The following ADCY8 variants were observed in gnomAD, a reference collection of about 807,000 sequenced individuals.
ADCY8 encodes adenylate cyclase type 8.
Under a neutral mutation model 119.7 loss-of-function variants are expected in ADCY8, and 51 were observed. The ratio of observed to expected loss-of-function variants is 0.43; its 90% CI spans 0.34 to 0.54. The LOEUF is 0.54. Among genes scored for constraint, ADCY8 ranks in the 20% least tolerant of loss-of-function variants. The pLI is 0.03. For synonymous variants in ADCY8, 665 were observed against 651.0 expected, an observed-to-expected ratio of 1.02 and a Z score of -0.33; for missense variants, 1,383 against 1,598.8, an observed-to-expected ratio of 0.87 and a Z score of 2.30.
At chr8:130,844,525 G>T (rs544270584) in intron 11 of ADCY8, among the ~76,000 whole-genome samples, 112 of 152,264 alleles carry the variant, frequency 7.4e-4, no homozygotes, top group African/African-American at 2.6e-3. Flanking sequence ...AGAAACTGAG[G>T]ATCACAAAGA....
intron 2 of ADCY8, among the ~76,000 whole-genome samples, chr8:130,974,375 T>C (rs367559934): frequency 8.3e-4 from 127 of 152,320 alleles, no homozygotes; most frequent in African/African-American, 3.0e-3. Flanking sequence ...GTGGTGGGCA[T>C]GGTAGCCAAG....
intron 12 of ADCY8, among the ~76,000 whole-genome samples, chr8:130,821,733 A>T (rs190060844): frequency 6.6e-6 from 1 of 152,302 alleles, no homozygotes; most frequent in East Asian, 1.9e-4. Context: ...AACAGCCTTT[A>T]TACTTTCCTA....
chr8:130,836,248 A>C lies in ADCY8; in HGVS notation c.2675+29T>G, dbSNP rs752614050. 3.8e-6 allele frequency: 6 copies of C among 1,593,254 alleles called. No individual in the cohort carries two copies. The Admixed American group carries it at 1.0e-4, about 28-fold the overall frequency. ...CCACTTCCCACAGGAAGTTGAGCACACTTTGGACTCACGGTGGTGGGCACT... is the reference window on the plus strand; with the variant it reads ...CCACTTCCCACAGGAAGTTGAGCACCCTTTGGACTCACGGTGGTGGGCACT... On this transcript the variant is annotated intron_variant, in intron 12 of 17. Transcript: ENST00000286355.
intron 2 of ADCY8, among the ~76,000 whole-genome samples, chr8:130,963,206 A>G (rs1315175067): frequency 6.6e-6 from 1 of 151,412 alleles, no homozygotes. Context: ...AGTCCTTGGC[A>G]GGAAGAATCA....
intron 15 of ADCY8, among the ~76,000 whole-genome samples, chr8:130,791,240 A>G (rs2889477): frequency 0.63 from 95,565 of 152,140 alleles, 31,261 homozygotes; most frequent in African/African-American, 0.78. Flanking sequence ...GGGTGGAGTC[A>G]GGGAAAAGGG....
At chr8:130,802,322 A>T (rs563288505) in intron 14 of ADCY8, among the ~76,000 whole-genome samples, 1 of 152,166 alleles carries the variant, frequency 6.6e-6, no homozygotes, top group African/African-American at 2.4e-5. Flanking sequence ...TCTTCTAAAC[A>T]TATTTGCTCC....
intron 14 of ADCY8, among the ~76,000 whole-genome samples, chr8:130,809,966 T>G (rs1012403944): frequency 6.6e-6 from 1 of 152,234 alleles, no homozygotes; most frequent in Non-Finnish European, 1.5e-5. Flanking sequence ...TCTGTGGAAT[T>G]ATTTTCTAAA....
rs1314417218 is a variant in ADCY8, at chr8:130,799,766, G to T, written c.3060+660C>A. On this transcript the variant is annotated intron_variant, in intron 15 of 17. Coordinates refer to ENST00000286355, the MANE Select transcript of ADCY8 (RefSeq NM_001115.3). Reference sequence around the variant, plus strand: ...TGTGCCTGAGTTCCCTCTGGAGTTAGGCAGGGATTTGGCTTATTCCGTAGC... The same window carrying T: ...TGTGCCTGAGTTCCCTCTGGAGTTATGCAGGGATTTGGCTTATTCCGTAGC... Among the ~76,000 whole-genome samples, 5 of 152,334 alleles carry T rather than the reference G, an allele frequency of 3.3e-5. No homozygotes were observed. In the East Asian group the frequency reaches 9.6e-4, roughly 29 times the overall value.
chr8:130,803,191 G>A (rs1235444421), intron 14 of ADCY8, among the ~76,000 whole-genome samples: 1 of 152,184 alleles, frequency 6.6e-6, no homozygotes, highest in Non-Finnish European at 1.5e-5. Flanking sequence ...GTCCCTGGGT[G>A]GGAAATGTTC....
intron 7 of ADCY8, chr8:130,892,793 G>A (rs1416604689): frequency 1.3e-5 from 2 of 152,072 alleles, no homozygotes; most frequent in African/African-American, 4.8e-5. Context: ...CCCGTGATTG[G>A]GCAGAGTTCT....
At chr8:130,853,640 G>A (rs190638474) in intron 9 of ADCY8, among the ~76,000 whole-genome samples, 1 of 151,706 alleles carries the variant, frequency 6.6e-6, no homozygotes, top group Non-Finnish European at 1.5e-5. Context: ...GCATGGCGGG[G>A]AGTTCATCAG....
intron 17 of ADCY8, among the ~76,000 whole-genome samples, chr8:130,783,014 A>G (rs263249): frequency 0.67 from 102,437 of 152,070 alleles, 35,555 homozygotes; most frequent in African/African-American, 0.81. Flanking sequence ...CTCCCTTTTC[A>G]TAGGCCCGCA....
intron 6 of ADCY8, among the ~76,000 whole-genome samples, chr8:130,905,156 A>G (rs936022119): frequency 6.6e-6 from 1 of 152,224 alleles, no homozygotes; most frequent in Non-Finnish European, 1.5e-5. Flanking sequence ...TACAACATAT[A>G]CACTATAAAA....
rs543423229 is a variant in ADCY8 at position 131,008,567 on chromosome 8, A to AG, written c.961-18026_961-18025insC. Reference sequence around the variant, plus strand: ...TCAATTAAGCCTCTTTTCTTTATAAATTACCCAGTCTTGGGTATTTCTTCA... The same window carrying AG: ...TCAATTAAGCCTCTTTTCTTTATAAAGTTACCCAGTCTTGGGTATTTCTTCA... On this transcript the variant is annotated intron_variant, in intron 1 of 17. Transcript: ENST00000286355. Among the ~76,000 whole-genome samples, 578 of 152,308 alleles carry AG rather than the reference A, an allele frequency of 3.8e-3. 1 individual carries two copies. Among genetic ancestry groups the AG allele is most frequent in the African/African-American group, 0.014 (562 of 41,554 alleles).
intron 2 of ADCY8, among the ~76,000 whole-genome samples, chr8:130,958,682 T>A (rs561832327): frequency 1.5e-4 from 23 of 152,192 alleles, no homozygotes; most frequent in African/African-American, 5.5e-4. Flanking sequence ...AGGAGAACAG[T>A]ATGGGGGAAA....
intron 5 of ADCY8, among the ~76,000 whole-genome samples, chr8:130,915,457 C>T (rs1820099318): frequency 6.6e-6 from 1 of 152,144 alleles, no homozygotes; most frequent in Non-Finnish European, 1.5e-5. Flanking sequence ...CCCAGCAACA[C>T]CACACAGGCA....
chr8:130,931,805 C>T (rs1820637461), intron 5 of ADCY8, among the ~76,000 whole-genome samples: 1 of 152,044 alleles, frequency 6.6e-6, no homozygotes, highest in Non-Finnish European at 1.5e-5. Context: ...TTCAATCACT[C>T]CATTAAGTTT....
chr8:130,849,239 GA>G (rs1817433517), intron 10 of ADCY8, among the ~76,000 whole-genome samples: 1 of 152,128 alleles, frequency 6.6e-6, no homozygotes, highest in African/African-American at 2.4e-5. Flanking sequence ...GATTAAATAT[GA>G]AAAATATGTA....
chr8:130,854,026 C>G (rs1817627892), intron 9 of ADCY8, among the ~76,000 whole-genome samples: 1 of 152,216 alleles, frequency 6.6e-6, no homozygotes, highest in African/African-American at 2.4e-5. Flanking sequence ...ACCAAAAGCA[C>G]TTTAAAGTTC....
Sources: gnomAD v4.1 joint callset for allele counts (sites outside exome capture counted in the v4.1 genomes callset) on GRCh38, gnomAD v4.1.1 for gene constraint, MANE v1.5 for transcripts, NCBI Gene and HGNC (gene_info 2026-07-23, HGNC 2026-07-21) for gene names.